Variants in NTNG1 observed in about 807,000 individuals in gnomAD.
NTNG1 encodes netrin G1, also known as netrin-G1.
In NTNG1, 16 loss-of-function variants were observed where a neutral mutation model predicts 54.0. That is an observed-to-expected ratio of 0.30 (90% CI 0.20 to 0.45). The LOEUF is 0.45. Among genes scored for constraint, NTNG1 ranks in the 20% least tolerant of loss-of-function variants. The pLI is 1.00. For missense variants in NTNG1, 530 were observed against 678.7 expected, an observed-to-expected ratio of 0.78 and a Z score of 2.43; for synonymous variants, 255 against 263.1, an observed-to-expected ratio of 0.97 and a Z score of 0.30.
chr1:107,305,870 C>T (rs1347873755), intron 2 of NTNG1, among the ~76,000 whole-genome samples: 1 of 152,146 alleles, frequency 6.6e-6, no homozygotes, highest in African/African-American at 2.4e-5. Flanking sequence ...GCTTTGTTTT[C>T]ATCAGCTGAT....
chr1:107,203,934 T>G (rs1042699313), intron 2 of NTNG1, among the ~76,000 whole-genome samples: 1 of 152,022 alleles, frequency 6.6e-6, no homozygotes, highest in Admixed American at 6.6e-5. Flanking sequence ...GTTTAAAGTT[T>G]ATTCCACTAA....
intron 2 of NTNG1, among the ~76,000 whole-genome samples, chr1:107,167,190 C>G (rs1655860802): frequency 6.6e-6 from 1 of 150,876 alleles, no homozygotes; most frequent in Non-Finnish European, 1.5e-5. Flanking sequence ...TTTGATTTGC[C>G]CCTCAGTGTT....
chr1:107,358,225 T>A (rs1252586628), intron 3 of NTNG1, among the ~76,000 whole-genome samples: 1 of 152,082 alleles, frequency 6.6e-6, no homozygotes, highest in Non-Finnish European at 1.5e-5. Flanking sequence ...AATATTACAC[T>A]CTGGACTAAG....
chr1:107,389,851 C>T (rs1672257412), intron 3 of NTNG1, among the ~76,000 whole-genome samples: 1 of 152,124 alleles, frequency 6.6e-6, no homozygotes, highest in Non-Finnish European at 1.5e-5. Context: ...GTCCAGTCCT[C>T]CCCTGCCTAA....
At chr1:107,480,351 C>A (rs1039169635) in intron 7 of NTNG1, among the ~76,000 whole-genome samples, 1 of 152,020 alleles carries the variant, frequency 6.6e-6, no homozygotes, top group Non-Finnish European at 1.5e-5. Context: ...TATTCTATAG[C>A]CTGAAATGGA....
chr1:107,213,306 A>G (rs974259248), intron 2 of NTNG1, among the ~76,000 whole-genome samples: 2 of 152,092 alleles, frequency 1.3e-5, no homozygotes, highest in African/African-American at 4.8e-5. Context: ...CAGCCTGTCT[A>G]AAGAGACTGT....
At chr1:107,411,444 A>G (rs1272822323) in intron 5 of NTNG1, among the ~76,000 whole-genome samples, 2 of 152,308 alleles carry the variant, frequency 1.3e-5, no homozygotes, top group African/African-American at 2.4e-5. Flanking sequence ...GTTGTTTTCC[A>G]TACAGCATCC....
intron 2 of NTNG1, among the ~76,000 whole-genome samples, chr1:107,315,309 ACCT>A (rs1667272412): frequency 6.6e-6 from 1 of 151,918 alleles, no homozygotes; most frequent in Non-Finnish European, 1.5e-5. Flanking sequence ...ACTCTAGTAA[ACCT>A]CCTACGGGTT....
At chr1:107,347,734 G>A (rs549427889) in intron 3 of NTNG1, among the ~76,000 whole-genome samples, 23 of 152,302 alleles carry the variant, frequency 1.5e-4, no homozygotes, top group Middle Eastern at 6.8e-3. Flanking sequence ...GTTCTGCATT[G>A]CTGGGGAGGC....
chr1:107,432,324 C>T (rs115066418), intron 6 of NTNG1, among the ~76,000 whole-genome samples: 1 of 152,154 alleles, frequency 6.6e-6, no homozygotes, highest in South Asian at 2.1e-4. Context: ...AATTGTTTCC[C>T]CTGTCTTGTC....
intron 2 of NTNG1, among the ~76,000 whole-genome samples, chr1:107,162,750 A>G (rs1181301120): frequency 1.3e-5 from 2 of 152,182 alleles, no homozygotes; most frequent in African/African-American, 4.8e-5. Context: ...CCTTCTTTTA[A>G]AATTTTTAAT....
At position 107,482,595 on chromosome 1, in the gene NTNG1, A is replaced by G. The variant is rs1242729318; in HGVS notation, c.*1755A>G. On this transcript the variant is annotated 3_prime_UTR_variant, in exon 8 of 8. Coordinates refer to ENST00000370068, the MANE Select transcript of NTNG1 (RefSeq NM_001113226.3). ...GCAGCAGCATCTCCTGGAATCAAAA[A>G]CAATTATCAGCCCGAACCAGAGTCT... 1 of 152,274 alleles carries G rather than the reference A, an allele frequency of 6.6e-6. No homozygotes were observed. The highest frequency in any genetic ancestry group is 1.5e-5 in the Non-Finnish European group (1 of 68,108). 9.4% of individuals were successfully genotyped at this position (152,274 alleles called of 1,614,324 possible). A position where few individuals can be genotyped will look rare whatever the true frequency, so the allele number is the denominator to read the frequency against.
chr1:107,373,347 A>C (rs1671039423), intron 3 of NTNG1, among the ~76,000 whole-genome samples: 1 of 152,108 alleles, frequency 6.6e-6, no homozygotes, highest in Admixed American at 6.6e-5. Context: ...GAAATATAAC[A>C]ACCTTACAAT....
intron 2 of NTNG1, among the ~76,000 whole-genome samples, chr1:107,284,382 C>T (rs1267849413): frequency 6.6e-6 from 1 of 151,958 alleles, no homozygotes; most frequent in African/African-American, 2.4e-5. Context: ...AAATAATTTA[C>T]CTAAAAGTAT....
intron 2 of NTNG1, among the ~76,000 whole-genome samples, chr1:107,160,009 G>A (rs1361197972): frequency 1.3e-5 from 2 of 152,170 alleles, no homozygotes; most frequent in African/African-American, 4.8e-5. Flanking sequence ...CTGTTGGCTA[G>A]TTAACAAAAT....
chr1:107,183,181 T>C (rs1449905217), intron 2 of NTNG1, among the ~76,000 whole-genome samples: 1 of 152,190 alleles, frequency 6.6e-6, no homozygotes, highest in East Asian at 1.9e-4. Flanking sequence ...CCCCCTACCT[T>C]AACTGCTGTT....
chr1:107,384,039 A>C (rs1246844676), intron 3 of NTNG1, among the ~76,000 whole-genome samples: 1 of 152,100 alleles, frequency 6.6e-6, no homozygotes, highest in Non-Finnish European at 1.5e-5. Context: ...TTATCTTGTT[A>C]TGTCTTTTAT....
rs142695081 is a variant in NTNG1 at position 107,394,034 on chromosome 1, A to AACAC, written c.888-1105_888-1102dup. Among the ~76,000 whole-genome samples, 756 of 149,804 alleles carry AACAC rather than the reference A, an allele frequency of 5.0e-3. 11 individuals are homozygous for AACAC. Among genetic ancestry groups the AACAC allele is most frequent in the African/African-American group, 0.018 (723 of 40,988 alleles). Reference sequence around the variant, plus strand: ...TTTCTCTCTCACACACACACACATAAACACACACACACACACACTGTCAAT... The same window carrying AACAC: ...TTTCTCTCTCACACACACACACATAAACACACACACACACACACACACTGTCAAT... On this transcript the variant is annotated intron_variant, in intron 3 of 7. Transcript: ENST00000370068.
intron 2 of NTNG1, among the ~76,000 whole-genome samples, chr1:107,275,553 T>C (rs1052159313): frequency 1.3e-5 from 2 of 152,026 alleles, no homozygotes; most frequent in Non-Finnish European, 1.5e-5. Context: ...GGAGAGCTGA[T>C]GGTGTAGTTC....
Sources: allele counts gnomAD v4.1 joint callset (sites outside exome capture counted in the v4.1 genomes callset), GRCh38; gene constraint gnomAD v4.1.1; transcripts MANE v1.5; gene names NCBI Gene and HGNC (gene_info 2026-07-23, HGNC 2026-07-21).